PLAC1: variants seen among roughly 807,000 people sequenced by gnomAD.
The protein encoded by PLAC1 is placenta-specific protein 1.
For missense variants in PLAC1, 136 were observed against 163.2 expected, an observed-to-expected ratio of 0.83 and a Z score of 0.91; for synonymous variants, 68 against 62.1, an observed-to-expected ratio of 1.09 and a Z score of -0.44.
intron 1 of PLAC1, among the ~76,000 whole-genome samples, chrX:134,621,813 C>A (rs1469549915): frequency 8.9e-6 from 1 of 111,806 alleles, no homozygotes; most frequent in East Asian, 2.8e-4. Flanking sequence ...AGCTGGTGAG[C>A]AACCCAACTG....
chrX:134,650,162 A>G (rs1000573726), intron 1 of PLAC1, among the ~76,000 whole-genome samples: 1 of 112,592 alleles, frequency 8.9e-6, no homozygotes, highest in East Asian at 2.8e-4. Flanking sequence ...GAATCTAAGC[A>G]TAAAAATACT....
At chrX:134,708,534 C>CTTTTTTTT (rs758488220) in intron 2 of PLAC1, among the ~76,000 whole-genome samples, 3 of 73,646 alleles carry the variant, frequency 4.1e-5, no homozygotes, top group Non-Finnish European at 7.5e-5. Context: ...CATTCTGTAT[C>CTTTTTTTT]TTTTTTTTTT....
At chrX:134,574,282 T>G (rs1281418084) in intron 2 of PLAC1, among the ~76,000 whole-genome samples, 1 of 112,023 alleles carries the variant, frequency 8.9e-6, no homozygotes, top group Non-Finnish European at 1.9e-5. Flanking sequence ...TGGTACACAG[T>G]AAGTACTTAG....
intron 1 of PLAC1, among the ~76,000 whole-genome samples, chrX:134,621,038 C>T (rs1310829831): frequency 9.0e-6 from 1 of 111,494 alleles, no homozygotes; most frequent in African/African-American, 3.3e-5. Context: ...TGGGACACTC[C>T]CTCCTTCCTT....
intron 2 of PLAC1, among the ~76,000 whole-genome samples, chrX:134,694,156 G>A (rs1293969187): frequency 3.6e-5 from 4 of 111,287 alleles, no homozygotes; most frequent in Non-Finnish European, 7.5e-5. Context: ...AAAACTCTGT[G>A]TGAGTAGAGC....
intron 2 of PLAC1, among the ~76,000 whole-genome samples, chrX:134,702,536 A>C (rs1357580488): frequency 8.9e-6 from 1 of 112,017 alleles, no homozygotes; most frequent in Non-Finnish European, 1.9e-5. Flanking sequence ...TATAAGTAGG[A>C]GCTAAAACAT....
chrX:134,594,835 A>T (rs1205806016), intron 2 of PLAC1, among the ~76,000 whole-genome samples: 1 of 106,142 alleles, frequency 9.4e-6, no homozygotes, highest in Non-Finnish European at 1.9e-5. Flanking sequence ...TGTTTCATTA[A>T]TTTTCTCTAT....
intron 2 of PLAC1, among the ~76,000 whole-genome samples, chrX:134,696,607 T>C (rs1167197171): frequency 9.0e-6 from 1 of 111,653 alleles, no homozygotes; most frequent in African/African-American, 3.3e-5. Flanking sequence ...CCTGTATCAA[T>C]ACACAACTGA....
Position 134,566,422 on chromosome X carries a change from G to A in PLAC1, c.261C>T (p.Val87=), listed in dbSNP as rs935668324. ...VTECGIRAKA[V]SQDMVIYSTE... ...TGCTGTAGATAACCATGTCCTGAGA[G>A]ACAGCTTTGGCCCTGATGCCACATT... is the stretch of plus-strand genomic sequence containing the variant. Residue 87 remains valine (V), a synonymous_variant, in exon 3 of 3, where the codon GTC becomes GTT. Transcript: ENST00000359237. The A allele has an allele frequency of 8.3e-7, 1 of 1,211,840 alleles. No individual in the cohort carries two copies. The highest frequency in any genetic ancestry group is 1.1e-6 in the Non-Finnish European group (1 of 895,400).
intron 2 of PLAC1, among the ~76,000 whole-genome samples, chrX:134,585,173 T>TA (rs2077993266): frequency 2.0e-4 from 1 of 5,045 alleles, no homozygotes; most frequent in African/African-American, 6.1e-4. Context: ...CCACTAAAAG[T>TA]ACAAAAAAAA....
intron 2 of PLAC1, among the ~76,000 whole-genome samples, chrX:134,581,561 C>T (rs1383859142): frequency 1.0e-5 from 1 of 97,199 alleles, no homozygotes; most frequent in Non-Finnish European, 2.0e-5. Flanking sequence ...TCACTGCAAC[C>T]TCCACCTCCT....
chrX:134,688,611 A>C (rs1407984813), intron 2 of PLAC1, among the ~76,000 whole-genome samples: 3 of 111,807 alleles, frequency 2.7e-5, no homozygotes, highest in Non-Finnish European at 5.6e-5. Flanking sequence ...ATAATTACTC[A>C]CTTGGGCCAA....
intron 1 of PLAC1, chrX:134,650,963 C>A: frequency 4.4e-6 from 1 of 228,460 alleles, no homozygotes; most frequent in South Asian, 7.3e-5. Context: ...AGCTGAATAT[C>A]ACAGCAGCCA....
At chrX:134,677,731 G>C (rs766271664) in intron 2 of PLAC1, among the ~76,000 whole-genome samples, 1 of 111,600 alleles carries the variant, frequency 9.0e-6, no homozygotes, top group Non-Finnish European at 1.9e-5. Flanking sequence ...GAAAACCATC[G>C]CAGGTTTTAA....
chrX:134,628,158 A>G (rs754375646), intron 1 of PLAC1, among the ~76,000 whole-genome samples: 77 of 112,464 alleles, frequency 6.8e-4, no homozygotes, highest in Admixed American at 2.3e-3. Context: ...TTATTAAACC[A>G]AGAATTGGTT....
At chrX:134,593,658 T>C (rs2078049695) in intron 2 of PLAC1, among the ~76,000 whole-genome samples, 1 of 112,116 alleles carries the variant, frequency 8.9e-6, no homozygotes, top group African/African-American at 3.2e-5. Context: ...TTTTGAGCAA[T>C]TATAAATGGT....
At chrX:134,735,988 A>G (rs2078702155) in intron 1 of PLAC1, among the ~76,000 whole-genome samples, 2 of 109,539 alleles carry the variant, frequency 1.8e-5, no homozygotes, top group Admixed American at 9.8e-5. Context: ...AAGAAGAAGA[A>G]GTAAAGGGGC....
chrX:134,665,991 G>A (rs2078435520), intron 2 of PLAC1, among the ~76,000 whole-genome samples: 1 of 111,548 alleles, frequency 9.0e-6, no homozygotes, highest in Non-Finnish European at 1.9e-5. Flanking sequence ...GCTGGAGACT[G>A]TCAAGTAACC....
At chrX:134,664,255 C>T (rs2078428378) in intron 2 of PLAC1, among the ~76,000 whole-genome samples, 1 of 112,001 alleles carries the variant, frequency 8.9e-6, no homozygotes, top group African/African-American at 3.2e-5. Flanking sequence ...AATCAGTTCC[C>T]CGGAGATGCT....
Sources: gnomAD v4.1 joint callset for allele counts (sites outside exome capture counted in the v4.1 genomes callset) on GRCh38, gnomAD v4.1.1 for gene constraint, MANE v1.5 for transcripts, NCBI Gene and HGNC (gene_info 2026-07-23, HGNC 2026-07-21) for gene names.